OPCML: variants seen among roughly 807,000 people sequenced by gnomAD.
OPCML encodes opioid-binding protein/cell adhesion molecule.
In OPCML, 13 loss-of-function variants were observed where a neutral mutation model predicts 37.8. That is an observed-to-expected ratio of 0.34 (90% CI 0.22 to 0.55). OPCML has a LOEUF of 0.55. Ranked by LOEUF, OPCML falls within the 20% of genes least tolerant of loss-of-function variation. The probability of loss-of-function intolerance (pLI) is 0.91; values close to 1 mark genes in which losing one functional copy is unlikely to be tolerated. For synonymous variants in OPCML, 176 were observed against 168.8 expected, an observed-to-expected ratio of 1.04 and a Z score of -0.33; for missense variants, 341 against 435.6, an observed-to-expected ratio of 0.78 and a Z score of 1.93.
At chr11:133,511,052 G>A (rs1016786245) in intron 1 of OPCML, among the ~76,000 whole-genome samples, 1 of 152,148 alleles carries the variant, frequency 6.6e-6, no homozygotes, top group Non-Finnish European at 1.5e-5. Flanking sequence ...ATTGCGATTG[G>A]TGTCAACTTT....
intron 1 of OPCML, among the ~76,000 whole-genome samples, chr11:133,337,743 T>TA (rs1469080549): frequency 6.6e-5 from 10 of 152,286 alleles, no homozygotes; most frequent in Non-Finnish European, 1.5e-5. Flanking sequence ...CTGGGCTAGG[T>TA]TTCAACTCAG....
intron 1 of OPCML, among the ~76,000 whole-genome samples, chr11:133,189,163 C>T (rs1426711726): frequency 6.6e-6 from 1 of 152,146 alleles, no homozygotes; most frequent in Non-Finnish European, 1.5e-5. Flanking sequence ...ACTTCCCATC[C>T]ATCACTATGT....
chr11:133,063,516 G>A (rs567563042), intron 1 of OPCML, among the ~76,000 whole-genome samples: 87 of 151,930 alleles, frequency 5.7e-4, no homozygotes, highest in African/African-American at 1.8e-3. Context: ...TTAATCTGCC[G>A]CAAGGTTTTA....
intron 2 of OPCML, among the ~76,000 whole-genome samples, chr11:132,740,152 C>T (rs1037675573): frequency 2.0e-5 from 3 of 152,156 alleles, no homozygotes; most frequent in Admixed American, 2.0e-4. Context: ...GGAAAAGATG[C>T]TAAGAGTAGA....
At chr11:132,582,997 C>T (rs1047595700) in intron 3 of OPCML, among the ~76,000 whole-genome samples, 3 of 151,936 alleles carry the variant, frequency 2.0e-5, no homozygotes, top group African/African-American at 7.3e-5. Context: ...AGATGCACAC[C>T]ACTGTGATGC....
At chr11:132,507,598 A>T (rs12271860) in intron 4 of OPCML, among the ~76,000 whole-genome samples, 21,876 of 149,844 alleles carry the variant, frequency 0.15, 1,812 homozygotes, top group Non-Finnish European at 0.19. Flanking sequence ...AACAACAAAA[A>T]TTTTTTTTAA....
intron 1 of OPCML, chr11:133,003,653 A>T: frequency 1.0e-6 from 1 of 985,362 alleles, no homozygotes; most frequent in Non-Finnish European, 1.2e-6. Flanking sequence ...TTTGTGGAAC[A>T]TACTAAAAAA....
chr11:132,472,938 C>G (rs907098501), intron 4 of OPCML, among the ~76,000 whole-genome samples: 33 of 152,326 alleles, frequency 2.2e-4, no homozygotes, highest in African/African-American at 7.9e-4. Flanking sequence ...GATTTTACCC[C>G]AAACCACCAG....
chr11:133,340,357 A>G (rs1298654244), intron 1 of OPCML, among the ~76,000 whole-genome samples: 1 of 152,186 alleles, frequency 6.6e-6, no homozygotes, highest in African/African-American at 2.4e-5. Context: ...TTCATCTTAG[A>G]GTAGGTGTGG....
At chr11:133,039,701 G>C (rs1187900166) in intron 1 of OPCML, among the ~76,000 whole-genome samples, 1 of 152,086 alleles carries the variant, frequency 6.6e-6, no homozygotes, top group Non-Finnish European at 1.5e-5. Flanking sequence ...GGGTGTATCT[G>C]TGTGTGAATT....
chr11:133,296,878 A>T (rs1340555059), intron 1 of OPCML, among the ~76,000 whole-genome samples: 1 of 152,226 alleles, frequency 6.6e-6, no homozygotes, highest in Non-Finnish European at 1.5e-5. Context: ...AACCCACACA[A>T]TAATTTGACG....
At chr11:132,474,849 C>T (rs79146809) in intron 4 of OPCML, among the ~76,000 whole-genome samples, 15 of 152,290 alleles carry the variant, frequency 9.8e-5, no homozygotes, top group Admixed American at 2.0e-4. Flanking sequence ...TGGTGTAAAA[C>T]GCCTAGTCAT....
intron 1 of OPCML, among the ~76,000 whole-genome samples, chr11:133,326,278 TGGGGGTGTGGGTGTGTGTGG>T (rs1466111512): frequency 2.7e-5 from 2 of 75,360 alleles, no homozygotes; most frequent in Non-Finnish European, 4.5e-5. Context: ...TGTATGTGTG[TGGGGGTGTGGGTGTGTGTGG>T]GGGTGTGGGT....
intron 1 of OPCML, among the ~76,000 whole-genome samples, chr11:133,062,000 C>A (rs1305776962): frequency 6.6e-6 from 1 of 152,148 alleles, no homozygotes; most frequent in Non-Finnish European, 1.5e-5. Context: ...AAAGGTGACA[C>A]CAACTTTGGT....
At position 132,543,546 on chromosome 11, in the gene OPCML, CA is replaced by C. The variant is rs993406621; in HGVS notation, c.380-14361del. Among the ~76,000 whole-genome samples, 62 of 151,684 alleles carry C rather than the reference CA, an allele frequency of 4.1e-4. 1 individual carries two copies. Among genetic ancestry groups the C allele is most frequent in the African/African-American group, 1.4e-3 (56 of 41,382 alleles). On this transcript the variant is annotated intron_variant, in intron 3 of 7. Transcript: ENST00000524381. ...AAAAAAAATTAAACAAAAATAAAAACAAAAAAATAGTATAGAATAGACCATT... is the reference window on the plus strand; with the variant it reads ...AAAAAAAATTAAACAAAAATAAAAACAAAAAATAGTATAGAATAGACCATT...
chr11:132,567,875 AGTT>A (rs1451815793), intron 3 of OPCML, among the ~76,000 whole-genome samples: 2 of 152,210 alleles, frequency 1.3e-5, no homozygotes, highest in East Asian at 3.8e-4. Flanking sequence ...TGCACAGAAC[AGTT>A]GTTGCAAATT....
intron 1 of OPCML, among the ~76,000 whole-genome samples, chr11:133,350,835 T>C (rs778247463): frequency 4.6e-5 from 7 of 152,174 alleles, no homozygotes; most frequent in Non-Finnish European, 7.3e-5. Context: ...CACATCTCAG[T>C]GAACATTTCC....
chr11:132,636,527 G>A (rs1176796345), intron 3 of OPCML, among the ~76,000 whole-genome samples: 1 of 152,216 alleles, frequency 6.6e-6, no homozygotes, highest in Non-Finnish European at 1.5e-5. Context: ...GTGATCATAT[G>A]TCCAAGCGAA....
At chr11:133,022,604 T>C (rs1316690942) in intron 1 of OPCML, among the ~76,000 whole-genome samples, 1 of 152,054 alleles carries the variant, frequency 6.6e-6, no homozygotes, top group Non-Finnish European at 1.5e-5. Flanking sequence ...TTTTTTAATA[T>C]CTGTAATGTG....
Sources: gnomAD v4.1 joint callset for allele counts (sites outside exome capture counted in the v4.1 genomes callset) on GRCh38, gnomAD v4.1.1 for gene constraint, MANE v1.5 for transcripts, NCBI Gene and HGNC (gene_info 2026-07-23, HGNC 2026-07-21) for gene names.